Variants in MYO5B observed in about 807,000 individuals in gnomAD.
MYO5B encodes the protein myosin VB.
MYO5B carries 143 observed loss-of-function variants against 229.3 expected under a neutral mutation model. The ratio of observed to expected loss-of-function variants is 0.62; its 90% CI spans 0.54 to 0.72. The LOEUF is 0.72. MYO5B is among the 30% of genes least tolerant of loss of function. The pLI is 0.00. For synonymous variants in MYO5B, 918 were observed against 885.2 expected (o/e 1.04, Z -0.66); for missense variants, 2,321 against 2,331.0 (o/e 1.00, Z 0.09).
chr18:50,023,522 T>A (rs1480802993), intron 4 of MYO5B, among the ~76,000 whole-genome samples: 1 of 152,216 alleles, frequency 6.6e-6, no homozygotes, highest in Non-Finnish European at 1.5e-5. Flanking sequence ...TCCTCTTCTC[T>A]GGCCAGTTGA....
chr18:50,071,581 G>A (rs960826765), intron 1 of MYO5B, among the ~76,000 whole-genome samples: 3 of 152,186 alleles, frequency 2.0e-5, no homozygotes, highest in African/African-American at 7.2e-5. Flanking sequence ...TCACCAGCTC[G>A]AGAACATCTG....
rs190374939 is a variant in MYO5B at position 50,074,007 on chromosome 18, A to T, written c.28-18629T>A. Among the ~76,000 whole-genome samples, 15 of 151,990 alleles carry T rather than the reference A, an allele frequency of 9.9e-5. No homozygotes were observed. The East Asian group carries it at 2.9e-3, about 29-fold the overall frequency. Reference sequence around the variant, plus strand: ...TACCTGGTCTCTGCTTCTGCTCTCAACCTCCACAAACCATGTGTATTAGTC... The same window carrying T: ...TACCTGGTCTCTGCTTCTGCTCTCATCCTCCACAAACCATGTGTATTAGTC... On this transcript the variant is annotated intron_variant, in intron 1 of 39. Transcript: ENST00000285039.
chr18:50,154,978 C>T (rs1422670679), intron 1 of MYO5B, among the ~76,000 whole-genome samples: 1 of 152,212 alleles, frequency 6.6e-6, no homozygotes, highest in African/African-American at 2.4e-5. Context: ...CAAGGTAGCA[C>T]CACAGACTAA....
intron 4 of MYO5B, among the ~76,000 whole-genome samples, chr18:50,035,986 T>C (rs748994171): frequency 1.3e-5 from 2 of 152,228 alleles, no homozygotes; most frequent in Non-Finnish European, 2.9e-5. Flanking sequence ...TGAAATCCAC[T>C]GAAGCACAGA....
At chr18:49,853,358 C>T in intron 31 of MYO5B, 91 bp downstream of exon 31, 2 of 1,308,394 alleles carry the variant, frequency 1.5e-6, no homozygotes, top group Non-Finnish European at 2.2e-6. Flanking sequence ...GGGTCATGAA[C>T]CTTGTCAGTT....
chr18:50,011,819 T>C (rs113229488), intron 4 of MYO5B, among the ~76,000 whole-genome samples: 7 of 152,070 alleles, frequency 4.6e-5, no homozygotes, highest in South Asian at 2.1e-4. Context: ...AAAACACTCA[T>C]CTGAATGTGT....
Position 50,124,886 on chromosome 18 carries a change from C to CT in MYO5B, c.28-69509dup, listed in dbSNP as rs1475271212. On this transcript the variant is annotated intron_variant, in intron 1 of 39. Coordinates refer to ENST00000285039, the MANE Select transcript of MYO5B (RefSeq NM_001080467.3). ...ACAACATAAGAATTGGGAAGCCCCA[C>CT]TTTAATTTCCCCAGACTGGGAGAGG... Among the ~76,000 whole-genome samples, 3 of 152,186 alleles carry CT rather than the reference C, an allele frequency of 2.0e-5. No homozygotes were observed. In the East Asian group the frequency reaches 5.8e-4, roughly 29 times the overall value.
At chr18:49,890,301 C>T (rs2024695490) in intron 22 of MYO5B, among the ~76,000 whole-genome samples, 1 of 152,220 alleles carries the variant, frequency 6.6e-6, no homozygotes, top group South Asian at 2.1e-4. Context: ...CAGGTGGCTG[C>T]ATCCCCTGAG....
chr18:50,166,055 G>T (rs1016762621), intron 1 of MYO5B, among the ~76,000 whole-genome samples: 4 of 152,146 alleles, frequency 2.6e-5, no homozygotes, highest in Non-Finnish European at 4.4e-5. Context: ...CCTTGTTCCT[G>T]TCCTCCTTTT....
intron 1 of MYO5B, among the ~76,000 whole-genome samples, chr18:50,118,360 A>ACAG (rs2032000444): frequency 1.3e-5 from 2 of 152,334 alleles, no homozygotes; most frequent in South Asian, 4.1e-4. Context: ...AGAGGTTGTC[A>ACAG]CAGCCTTTAG....
chr18:50,029,962 C>A (rs2026370165), intron 4 of MYO5B, among the ~76,000 whole-genome samples: 1 of 152,190 alleles, frequency 6.6e-6, no homozygotes, highest in African/African-American at 2.4e-5. Context: ...CCCCAACCTC[C>A]CCAAACAATG....
In MYO5B at chr18:49,903,010, G is replaced by C. The variant is rs117047321; in HGVS notation, c.2572-177C>G. Among the ~76,000 whole-genome samples the C allele has an allele frequency of 2.4e-3, 373 of 152,316 alleles. 9 individuals carry two copies. In the East Asian group the frequency reaches 0.06, roughly 25 times the overall value. On this transcript the variant is annotated intron_variant, in intron 20 of 39. Transcript: ENST00000285039. ...GGTGGTTGTTTTATAACACATTTCA[G>C]CGAGGTTCTGCGCCTACATATCCAC...
chr18:49,961,479 C>G (rs1168744252), intron 12 of MYO5B, among the ~76,000 whole-genome samples: 2 of 152,262 alleles, frequency 1.3e-5, no homozygotes, highest in Non-Finnish European at 2.9e-5. Context: ...TCAAGCCACA[C>G]TTAAGCCTTT....
chr18:50,077,729 T>C (rs2031122234), intron 1 of MYO5B, among the ~76,000 whole-genome samples: 1 of 152,212 alleles, frequency 6.6e-6, no homozygotes, highest in Admixed American at 6.5e-5. Flanking sequence ...TTCCATTAAA[T>C]GCACTTTGGG....
Position 49,885,332 on chromosome 18 carries a change from T to C in MYO5B, c.3046-4877A>G, listed in dbSNP as rs571571791. On this transcript the variant is annotated intron_variant, in intron 22 of 39. Transcript: ENST00000285039. ...CACATAATGACTAGCAAGTGTGCAATGGCAGAGGGACTAATTGGTGACTAC... is the reference window on the plus strand; with the variant it reads ...CACATAATGACTAGCAAGTGTGCAACGGCAGAGGGACTAATTGGTGACTAC... Among the ~76,000 whole-genome samples the C allele has an allele frequency of 3.3e-5, 5 of 152,186 alleles. No individual in the cohort carries two copies. In the East Asian group the frequency reaches 9.7e-4, roughly 29 times the overall value.
At chr18:49,963,273 TTAAAAAAGAAAGTC>T (rs1246467066) in intron 10 of MYO5B, among the ~76,000 whole-genome samples, 2 of 151,942 alleles carry the variant, frequency 1.3e-5, no homozygotes, top group African/African-American at 4.8e-5. Context: ...AAAAGAAAGT[TTAAAAAAGAAAGTC>T]AGCAATGATT....
Position 50,001,344 on chromosome 18 carries a change from A to T in MYO5B, c.523T>A (p.Tyr175Asn). 1 of 1,614,192 alleles carries T rather than the reference A, an allele frequency of 6.2e-7. No individual in the cohort carries two copies. ...ACGGTGGCGAAATAGCGCATGGCAT[A>T]CTTGGCTGATACCGTCTTCCCGGCT... ...SGAGKTVSAKYAMRYFATVGG... is the reference protein window; with the variant it reads ...SGAGKTVSAKNAMRYFATVGG... The change falls in exon 5 of 40, where the codon TAT becomes AAT. Residue 175 changes from tyrosine (Y) to asparagine (N), a missense_variant. By Grantham distance (143) the Tyr-to-Asn change is moderately radical (BLOSUM62 -2). Coordinates refer to ENST00000285039, the MANE Select transcript of MYO5B (RefSeq NM_001080467.3).
intron 4 of MYO5B, among the ~76,000 whole-genome samples, chr18:50,021,116 C>T (rs867578544): frequency 1.3e-5 from 2 of 152,178 alleles, no homozygotes; most frequent in Non-Finnish European, 2.9e-5. Flanking sequence ...TATGCACACA[C>T]AAGCATAATT....
At chr18:49,836,920 C>A (rs974002897) in intron 37 of MYO5B, 35 bp from the exon 38 acceptor site, 2 of 1,605,790 alleles carry the variant, frequency 1.2e-6, no homozygotes, top group East Asian at 2.2e-5. Flanking sequence ...TATGTTAAGC[C>A]GGTCCTCCTA....
Sources: allele counts gnomAD v4.1 joint callset (sites outside exome capture counted in the v4.1 genomes callset), GRCh38; gene constraint gnomAD v4.1.1; transcripts MANE v1.5; gene names NCBI Gene and HGNC (gene_info 2026-07-23, HGNC 2026-07-21).